CSNK2A1: variants seen among roughly 807,000 people sequenced by gnomAD.
CSNK2A1 encodes the protein casein kinase 2 alpha 1.
A neutral mutation model predicts 62.9 loss-of-function variants in CSNK2A1; 10 were observed. That is an observed-to-expected ratio of 0.16 (90% CI 0.10 to 0.27). The LOEUF is 0.27. CSNK2A1 is among the 10% of genes least tolerant of loss of function. The pLI, the probability that CSNK2A1 is intolerant of heterozygous loss-of-function variation, is 1.00. For synonymous variants in CSNK2A1, 124 were observed against 167.8 expected (o/e 0.74, Z 2.02); for missense variants, 160 against 492.0 (o/e 0.33, Z 6.38).
At chr20:532,769 AC>A (rs2019239589) in intron 1 of CSNK2A1, among the ~76,000 whole-genome samples, 1 of 152,150 alleles carries the variant, frequency 6.6e-6, no homozygotes, top group African/African-American at 2.4e-5. Context: ...TTCAAGAGAT[AC>A]GCAATCACCT....
chr20:497,669 T>C, intron 7 of CSNK2A1, 52 bp downstream of exon 7: 2 of 1,469,620 alleles, frequency 1.4e-6, no homozygotes, highest in South Asian at 1.1e-5. Flanking sequence ...ATTGACTATT[T>C]AACAAAAAGA....
intron 1 of CSNK2A1, among the ~76,000 whole-genome samples, chr20:535,124 G>A (rs1385838270): frequency 6.7e-6 from 1 of 149,542 alleles, no homozygotes; most frequent in African/African-American, 2.5e-5. Flanking sequence ...GGGAGGCTGA[G>A]TTAAGAGGAC....
chr20:497,380 T>G (rs182616798), intron 7 of CSNK2A1, among the ~76,000 whole-genome samples: 102 of 152,310 alleles, frequency 6.7e-4, no homozygotes, highest in Non-Finnish European at 1.2e-3. Flanking sequence ...TCTCCTGGCC[T>G]CAAGCAATCC....
chr20:497,668 T>A, intron 7 of CSNK2A1, 53 bp downstream of exon 7: 1 of 1,463,264 alleles, frequency 6.8e-7, no homozygotes, highest in Non-Finnish European at 9.5e-7. Flanking sequence ...AATTGACTAT[T>A]TAACAAAAAG....
At chr20:533,821 T>G (rs1351104819) in intron 1 of CSNK2A1, among the ~76,000 whole-genome samples, 1 of 152,126 alleles carries the variant, frequency 6.6e-6, no homozygotes, top group East Asian at 1.9e-4. Flanking sequence ...AAGGGAGGTA[T>G]TAGAAGAAAA....
chr20:521,532 C>G lies in CSNK2A1; in HGVS notation c.-110+6401G>C, dbSNP rs1025302017. Among the ~76,000 whole-genome samples the G allele has an allele frequency of 2.0e-5, 3 of 152,190 alleles. No homozygotes were observed. The East Asian group carries it at 5.8e-4, about 29-fold the overall frequency. The stretch of plus-strand genomic sequence containing the variant: ...AGAGTTAAACATGTACTTAAGCATA[C>G]AACCAGCATTCCCACTCCTAGGTAT... On this transcript the variant is annotated intron_variant, in intron 2 of 13. Transcript: ENST00000217244.
At chr20:486,651 C>T (rs1300866509) in intron 12 of CSNK2A1, 189 bp from the exon 13 acceptor site, 2 of 537,672 alleles carry the variant, frequency 3.7e-6, no homozygotes, top group East Asian at 3.1e-5. Context: ...AATAGCTTTC[C>T]TATCAAACTG....
At chr20:520,564 A>T (rs2018924965) in intron 2 of CSNK2A1, among the ~76,000 whole-genome samples, 1 of 152,130 alleles carries the variant, frequency 6.6e-6, no homozygotes, top group Non-Finnish European at 1.5e-5. Flanking sequence ...CAGGGGCATG[A>T]TCTCAACTCA....
At chr20:521,586 T>TA (rs1473867984) in intron 2 of CSNK2A1, among the ~76,000 whole-genome samples, 1 of 152,214 alleles carries the variant, frequency 6.6e-6, no homozygotes, top group Non-Finnish European at 1.5e-5. Context: ...AACCCGTATC[T>TA]ACACAAAAAC....
At chr20:520,664 T>C (rs1008379778) in intron 2 of CSNK2A1, among the ~76,000 whole-genome samples, 4 of 152,162 alleles carry the variant, frequency 2.6e-5, no homozygotes, top group Admixed American at 2.6e-4. Context: ...TATGCCCTGC[T>C]AATTTTTGTA....
At chr20:512,334 T>C (rs2018739935) in intron 2 of CSNK2A1, among the ~76,000 whole-genome samples, 1 of 152,218 alleles carries the variant, frequency 6.6e-6, no homozygotes, top group African/African-American at 2.4e-5. Flanking sequence ...TATTGGCCAT[T>C]TGTATATTTG....
intron 1 of CSNK2A1, among the ~76,000 whole-genome samples, chr20:534,590 T>C (rs2122650040): frequency 6.6e-6 from 1 of 152,224 alleles, no homozygotes; most frequent in Admixed American, 6.5e-5. Context: ...AAGTTTTGAA[T>C]ATGTATGAAG....
At chr20:534,237 G>C in intron 1 of CSNK2A1, among the ~76,000 whole-genome samples, 1 of 152,184 alleles carries the variant, frequency 6.6e-6, no homozygotes, top group South Asian at 2.1e-4. Context: ...AGCCTAAATA[G>C]GTTCTTTTCA....
chr20:491,004 TAATAG>T (rs1388117433), intron 9 of CSNK2A1, among the ~76,000 whole-genome samples: 1 of 152,132 alleles, frequency 6.6e-6, no homozygotes, highest in Non-Finnish European at 1.5e-5. Flanking sequence ...AATTTTCCTA[TAATAG>T]GACAGTGTTC....
intron 8 of CSNK2A1, chr20:492,758 TTA>T (rs2018261820): frequency 5.9e-6 from 1 of 168,628 alleles, no homozygotes. Flanking sequence ...CCTAAACTCT[TTA>T]TGTTTTCTAC....
At chr20:524,324 T>C (rs1288530698) in intron 2 of CSNK2A1, among the ~76,000 whole-genome samples, 1 of 146,908 alleles carries the variant, frequency 6.8e-6, no homozygotes. Flanking sequence ...TCTTAGAGGC[T>C]GAGGCAGGGG....
intron 13 of CSNK2A1, among the ~76,000 whole-genome samples, chr20:484,992 G>C (rs772621849): frequency 2.9e-5 from 4 of 137,372 alleles, no homozygotes; most frequent in African/African-American, 8.2e-5. Context: ...GCTTGAACCC[G>C]GGAGGCGGAG....
rs1228066589 is a variant in CSNK2A1 at position 482,182 on chromosome 20, AG to A, written c.*1778del. 4 of 152,222 alleles carry A rather than the reference AG, an allele frequency of 2.6e-5. No homozygotes were observed. Among genetic ancestry groups the A allele is most frequent in the Non-Finnish European group, 5.9e-5 (4 of 68,048 alleles). The allele number at this position is 152,222 out of a possible 1,614,324, so 9.4% of individuals were successfully genotyped here. Reference sequence around the variant, plus strand: ...TTTATCTATGATGCCTAGGCGAGAAAGGCCTGTGAATCTATAAGGTAGGAGA... The same window carrying A: ...TTTATCTATGATGCCTAGGCGAGAAAGCCTGTGAATCTATAAGGTAGGAGA... On this transcript the variant is annotated 3_prime_UTR_variant, in exon 14 of 14. Coordinates refer to ENST00000217244, the MANE Select transcript of CSNK2A1 (RefSeq NM_177559.3).
chr20:530,540 T>C (rs571800916), intron 1 of CSNK2A1, among the ~76,000 whole-genome samples: 1 of 151,432 alleles, frequency 6.6e-6, no homozygotes, highest in Non-Finnish European at 1.5e-5. Flanking sequence ...ATGATCATAG[T>C]TCACTTCACT....
Sources: gnomAD v4.1 joint callset for allele counts (sites outside exome capture counted in the v4.1 genomes callset) on GRCh38, gnomAD v4.1.1 for gene constraint, MANE v1.5 for transcripts, NCBI Gene and HGNC (gene_info 2026-07-23, HGNC 2026-07-21) for gene names.